B3GAT1: variants seen among roughly 807,000 people sequenced by gnomAD.
The protein encoded by B3GAT1 is galactosylgalactosylxylosylprotein 3-beta-glucuronosyltransferase 1.
A neutral mutation model predicts 28.4 loss-of-function variants in B3GAT1; 11 were observed. The observed-to-expected ratio is 0.39, with a 90% confidence interval of 0.24 to 0.64. B3GAT1 has a LOEUF of 0.64. B3GAT1 is among the 30% of genes least tolerant of loss of function. B3GAT1 has a pLI of 0.50. For missense variants in B3GAT1, 375 were observed against 491.0 expected (o/e 0.76, Z 2.23); for synonymous variants, 255 against 223.1 (o/e 1.14, Z -1.27).
At chr11:134,399,562 A>C (rs975606022) in intron 1 of B3GAT1, among the ~76,000 whole-genome samples, 2 of 152,200 alleles carry the variant, frequency 1.3e-5, no homozygotes, top group African/African-American at 4.8e-5. Flanking sequence ...TGCTAATAGC[A>C]CTGACCTCCC....
Position 134,387,594 on chromosome 11 carries a change from A to T in B3GAT1, c.66T>A (p.Thr22=), listed in dbSNP as rs571545138. The change falls in exon 2 of 6, where the codon ACT becomes ACA. Residue 22 remains threonine, a synonymous_variant. Coordinates refer to ENST00000312527, the MANE Select transcript of B3GAT1 (RefSeq NM_054025.3). ...GTGCGAGGGTGCTCTGGTGCCAGAC[A>T]GTGATGAGCAGAGTCCAGGGCAGCA... ...LIVLPWTLLI[T]VWHQSTLAPL... is the part of the protein sequence containing the mutation. 2.5e-6 allele frequency: 4 copies of T among 1,614,158 alleles called. No individual in the cohort carries two copies. The African/African-American group carries it at 5.3e-5, about 22-fold the overall frequency.
chr11:134,383,847 A>G lies in B3GAT1; in HGVS notation c.454T>C (p.Tyr152His). ...THLHVETPRN[Y>H]KLRGDARDPR... is the part of the protein sequence containing the mutation. ...TCGCGGGCGTCTCCGCGCAGCTTGT[A>G]GTTGCGGGGCGTCTCCACGTGCAGG... The change falls in exon 3 of 6, where the codon TAC becomes CAC. Residue 152 changes from tyrosine to histidine, a missense_variant. Transcript: ENST00000312527. The G allele has an allele frequency of 6.3e-7, 1 of 1,595,876 alleles. No individual in the cohort carries two copies. Among genetic ancestry groups the G allele is most frequent in the Non-Finnish European group, 8.5e-7 (1 of 1,173,906 alleles).
chr11:134,405,266 G>A (rs1347749306), intron 1 of B3GAT1, among the ~76,000 whole-genome samples: 5 of 152,116 alleles, frequency 3.3e-5, no homozygotes, highest in South Asian at 2.1e-4. Context: ...TTCGGAAGAC[G>A]CCCCCAAGGG....
At chr11:134,400,476 T>C (rs1205663837) in intron 1 of B3GAT1, among the ~76,000 whole-genome samples, 3 of 152,210 alleles carry the variant, frequency 2.0e-5, no homozygotes, top group African/African-American at 7.2e-5. Context: ...GCACTATGAA[T>C]GTTAGATCAT....
At position 134,387,939 on chromosome 11, in the gene B3GAT1, A is replaced by G; in HGVS notation, c.-280T>C. ...GGGTCAGGAACCCTGGGGGGTGGAC[A>G]CCTGCAAGAGAGAGCAGAAGCGGAT... On this transcript the variant is annotated splice_region_variant and 5_prime_UTR_variant, in exon 2 of 6. Transcript: ENST00000312527. The G allele has an allele frequency of 7.6e-7, 1 of 1,320,714 alleles. No individual in the cohort carries two copies. The highest frequency in any genetic ancestry group is 3.0e-5 in the East Asian group (1 of 33,322). 81.8% of individuals were successfully genotyped at this position (1,320,714 alleles called of 1,614,324 possible).
rs1253263415 is a variant in B3GAT1, at chr11:134,412,097, G to GA, written c.-573_-572insT. 3.7e-3 allele frequency among the ~76,000 whole-genome samples: 529 copies of GA among 144,788 alleles called. 7 individuals carry two copies. The highest frequency in any genetic ancestry group is 8.7e-3 in the South Asian group (41 of 4,698). The allele number at this position is 144,788 out of a possible 152,430, so 95.0% of individuals were successfully genotyped here. ...CGCGGGCAGGGAGGCGGGGGGCGGG[G>GA]GGCGGGGAGGGGGAGCGGGGAGGGG... On this transcript the variant is annotated 5_prime_UTR_variant, in exon 1 of 6. Coordinates refer to ENST00000312527, the MANE Select transcript of B3GAT1 (RefSeq NM_054025.3).
At chr11:134,406,149 C>T (rs1944727777) in intron 1 of B3GAT1, among the ~76,000 whole-genome samples, 1 of 152,198 alleles carries the variant, frequency 6.6e-6, no homozygotes, top group Non-Finnish European at 1.5e-5. Flanking sequence ...TCTGCTCCCT[C>T]CACTAAGCCC....
rs1944847436 is a variant in B3GAT1 at position 134,411,252 on chromosome 11, G to T, written c.-282+555C>A. On this transcript the variant is annotated intron_variant, in intron 1 of 5. Coordinates refer to ENST00000312527, the MANE Select transcript of B3GAT1 (RefSeq NM_054025.3). The surrounding 1 kb of genome is among the most constrained non-coding windows in gnomAD (Gnocchi z 6.0). Reference sequence around the variant, plus strand: ...GATGGGAGGGTGGTGAACTGGTCGCGCCTCCTTCCTCCTTGCTACACCGAA... The same window carrying T: ...GATGGGAGGGTGGTGAACTGGTCGCTCCTCCTTCCTCCTTGCTACACCGAA... Among the ~76,000 whole-genome samples, 1 of 152,124 alleles carries T rather than the reference G, an allele frequency of 6.6e-6. No homozygotes were observed. The highest frequency in any genetic ancestry group is 2.4e-5 in the African/African-American group (1 of 41,410).
chr11:134,390,273 GC>G (rs1591639702), intron 1 of B3GAT1: 1 of 152,296 alleles, frequency 6.6e-6, no homozygotes, highest in Non-Finnish European at 1.5e-5. Flanking sequence ...CCAGGCCACT[GC>G]TGGGGCTGCA....
chr11:134,398,683 G>A (rs904305029), intron 1 of B3GAT1, among the ~76,000 whole-genome samples: 16 of 151,716 alleles, frequency 1.1e-4, no homozygotes, highest in South Asian at 1.0e-3. Context: ...GGTCCTTGCC[G>A]TGCCTCTGTC....
intron 2 of B3GAT1, chr11:134,385,397 TGCTCGTG>T (rs1359610661): frequency 1.3e-5 from 2 of 152,312 alleles, no homozygotes; most frequent in Admixed American, 6.5e-5. Flanking sequence ...CCAGGAGGCC[TGCTCGTG>T]GCTCTTCAGG....
At chr11:134,388,281 A>G (rs548277456) in intron 1 of B3GAT1, 138 of 221,650 alleles carry the variant, frequency 6.2e-4, no homozygotes, top group Non-Finnish European at 6.5e-4. Flanking sequence ...CAGTTTTCCC[A>G]TCTATAAAAT....
intron 1 of B3GAT1, among the ~76,000 whole-genome samples, chr11:134,399,489 G>A (rs967828076): frequency 6.6e-6 from 1 of 152,246 alleles, no homozygotes; most frequent in Admixed American, 6.5e-5. Context: ...GCCCCAGAGT[G>A]TGAGGCACAT....
chr11:134,387,517 C>T (rs1300807052), intron 2 of B3GAT1, 31 bp downstream of exon 2: 7 of 1,611,190 alleles, frequency 4.3e-6, no homozygotes, highest in Non-Finnish European at 5.9e-6. Context: ...CAAGGCCCAG[C>T]TGGGCAGGCA....
intron 3 of B3GAT1, among the ~76,000 whole-genome samples, 168 bp from the exon 4 acceptor site, chr11:134,383,174 T>G (rs1376859145): frequency 6.6e-6 from 1 of 151,890 alleles, no homozygotes; most frequent in Non-Finnish European, 1.5e-5. Context: ...ATCCCATGGG[T>G]TGGGCACCTG....
chr11:134,402,587 C>A (rs1193137490), intron 1 of B3GAT1, among the ~76,000 whole-genome samples: 2 of 152,266 alleles, frequency 1.3e-5, no homozygotes, highest in Admixed American at 6.5e-5. Flanking sequence ...GTCAGCTAAC[C>A]CCCCTGCCTG....
intron 1 of B3GAT1, chr11:134,391,443 C>G (rs1456695725): frequency 6.6e-6 from 1 of 152,308 alleles, no homozygotes; most frequent in Non-Finnish European, 1.5e-5. Flanking sequence ...CACTGGTCCC[C>G]TCTCGCAGCC....
At position 134,383,989 on chromosome 11, in the gene B3GAT1, G is replaced by A. The variant is rs1944207108; in HGVS notation, c.312C>T (p.Arg104=). 1.9e-6 allele frequency: 3 copies of A among 1,603,706 alleles called. No homozygotes were observed. The highest frequency in any genetic ancestry group is 2.5e-6 in the Non-Finnish European group (3 of 1,178,712). The change falls in exon 3 of 6, where the codon CGC becomes CGT. Residue 104 remains arginine, a synonymous_variant. Coordinates refer to ENST00000312527, the MANE Select transcript of B3GAT1 (RefSeq NM_054025.3). ...SRPVQKAELT[R]MANTLLHVPN... ...GCACGTGCAGCAGCGTGTTGGCCAT[G>A]CGCGTCAGCTCGGCCTTCTGCACCG...
chr11:134,386,460 G>A (rs1944288613), intron 2 of B3GAT1: 1 of 152,294 alleles, frequency 6.6e-6, no homozygotes, highest in African/African-American at 2.4e-5. Flanking sequence ...GGGGCAGCCA[G>A]CTGTGGGGTG....
Sources: allele counts gnomAD v4.1 joint callset (sites outside exome capture counted in the v4.1 genomes callset), GRCh38; gene constraint gnomAD v4.1.1; non-coding constraint Gnocchi (gnomAD v3.1); transcripts MANE v1.5; gene names NCBI Gene and HGNC (gene_info 2026-07-23, HGNC 2026-07-21).